Variants in SLC22A23 observed in about 807,000 individuals in gnomAD.
The protein encoded by SLC22A23 is ion transporter protein.
SLC22A23 carries 26 observed loss-of-function variants against 61.0 expected under a neutral mutation model. The ratio of observed to expected loss-of-function variants is 0.43; its 90% CI spans 0.31 to 0.59. SLC22A23 has a LOEUF of 0.59. SLC22A23 is among the 20% of genes least tolerant of loss of function. The probability of loss-of-function intolerance (pLI) is 0.11; values close to 1 mark genes in which losing one functional copy is unlikely to be tolerated. For synonymous variants in SLC22A23, 430 were observed against 413.9 expected, an observed-to-expected ratio of 1.04 and a Z score of -0.47; for missense variants, 796 against 934.7, an observed-to-expected ratio of 0.85 and a Z score of 1.94.
chr6:3,280,347 G>A lies in SLC22A23; in HGVS notation c.1703+3505C>T, dbSNP rs180702232. The stretch of plus-strand genomic sequence containing the variant: ...TCCGTCTGGTTCCTTCCCAGGCTCC[G>A]GGCCATATCATCAGCACCCTCCCCT... On this transcript the variant is annotated intron_variant, in intron 9 of 9. Coordinates refer to ENST00000406686, the MANE Select transcript of SLC22A23 (RefSeq NM_015482.2). Among the ~76,000 whole-genome samples, 530 of 152,204 alleles carry A rather than the reference G, an allele frequency of 3.5e-3. 4 individuals are homozygous for A. Among genetic ancestry groups the A allele is most frequent in the African/African-American group, 0.012 (488 of 41,528 alleles).
rs1190398508 is a variant in SLC22A23 at position 3,289,799 on chromosome 6, G to A, written c.1278C>T (p.Asn426=). 1.2e-6 allele frequency: 2 copies of A among 1,614,008 alleles called. No individual in the cohort carries two copies. The highest frequency in any genetic ancestry group is 1.3e-5 in the African/African-American group (1 of 75,016). ...ACAGGACCACAATGTTCTTCCACAG[G>A]TTCCGTGTCCCCACCACCTTCACGA... The part of the protein sequence containing the change: ...VCIVKVVGTR[N]LWKNIVVLCV... The change falls in exon 6 of 10, where the codon AAC becomes AAT. Residue 426 remains asparagine (N), a synonymous_variant. Coordinates refer to ENST00000406686, the MANE Select transcript of SLC22A23 (RefSeq NM_015482.2).
Position 3,410,095 on chromosome 6 carries a change from C to T in SLC22A23, c.913+93G>A, listed in dbSNP as rs1045271973. 4.5e-5 allele frequency: 64 copies of T among 1,422,102 alleles called. No homozygotes were observed. Among genetic ancestry groups the T allele is most frequent in the African/African-American group, 2.9e-4 (20 of 68,956 alleles). The allele number at this position is 1,422,102 out of a possible 1,614,324, so 88.1% of individuals were successfully genotyped here. ...GTTTCCACAAAACTGCCAGCCCACA[C>T]GAGCAGCATGCACAGTATCTTTCCC... On this transcript the variant is annotated intron_variant, in intron 3 of 9. Transcript: ENST00000406686. This position sits in a 1 kb window ranked among gnomAD's most constrained non-coding sequence, Gnocchi z 5.0.
chr6:3,406,601 A>G (rs1033416977), intron 3 of SLC22A23, among the ~76,000 whole-genome samples: 1 of 151,748 alleles, frequency 6.6e-6, no homozygotes, highest in African/African-American at 2.4e-5. Context: ...ATCCAGTCCA[A>G]GTGTATTTAG....
At chr6:3,292,432 G>A (rs1760686499) in intron 5 of SLC22A23, among the ~76,000 whole-genome samples, 1 of 151,172 alleles carries the variant, frequency 6.6e-6, no homozygotes, top group South Asian at 2.1e-4. Flanking sequence ...GCCCGGCCAG[G>A]TTGTGGGACA....
intron 4 of SLC22A23, chr6:3,323,367 A>AC (rs1763076691): frequency 8.8e-6 from 4 of 456,992 alleles, no homozygotes; most frequent in Non-Finnish European, 1.8e-5. Context: ...CTTTATTTAC[A>AC]AAAACAGACA....
At chr6:3,350,221 C>T (rs998131569) in intron 3 of SLC22A23, among the ~76,000 whole-genome samples, 1 of 152,118 alleles carries the variant, frequency 6.6e-6, no homozygotes, top group East Asian at 1.9e-4. Context: ...GATTCTATAA[C>T]CCTTAACCCA....
At chr6:3,428,633 T>C (rs1248593946) in intron 1 of SLC22A23, among the ~76,000 whole-genome samples, 1 of 152,172 alleles carries the variant, frequency 6.6e-6, no homozygotes, top group Non-Finnish European at 1.5e-5. Flanking sequence ...AATTCTTCCT[T>C]CTGTCTCACT....
chr6:3,358,062 T>C (rs1265850647), intron 3 of SLC22A23, among the ~76,000 whole-genome samples: 1 of 152,084 alleles, frequency 6.6e-6, no homozygotes, highest in Non-Finnish European at 1.5e-5. Flanking sequence ...ACAGGTTAGG[T>C]TCTCAGTATC....
At chr6:3,347,204 A>T (rs552576681) in intron 3 of SLC22A23, among the ~76,000 whole-genome samples, 10 of 152,346 alleles carry the variant, frequency 6.6e-5, no homozygotes, top group Non-Finnish European at 1.3e-4. Context: ...AACCCCTCGC[A>T]TCACTGCGGG....
intron 3 of SLC22A23, among the ~76,000 whole-genome samples, chr6:3,395,920 A>G (rs1241395909): frequency 6.6e-6 from 1 of 152,216 alleles, no homozygotes; most frequent in Admixed American, 6.5e-5. Context: ...ACTGTTGTTA[A>G]TATTTTGGTT....
intron 1 of SLC22A23, among the ~76,000 whole-genome samples, chr6:3,441,032 G>T (rs1238438249): frequency 6.6e-6 from 1 of 152,232 alleles, no homozygotes; most frequent in Non-Finnish European, 1.5e-5. Flanking sequence ...TGCTGGGCTG[G>T]GGCCTGTAGG....
Position 3,322,438 on chromosome 6 carries a change from C to T in SLC22A23, c.1082+1396G>A, listed in dbSNP as rs1561896931. Among the ~76,000 whole-genome samples, 2 of 152,044 alleles carry T rather than the reference C, an allele frequency of 1.3e-5. No individual in the cohort carries two copies. Among genetic ancestry groups the T allele is most frequent in the Non-Finnish European group, 2.9e-5 (2 of 67,940 alleles). On this transcript the variant is annotated intron_variant, in intron 4 of 9. Coordinates refer to ENST00000406686, the MANE Select transcript of SLC22A23 (RefSeq NM_015482.2). The surrounding 1 kb of genome is among the most constrained non-coding windows in gnomAD (Gnocchi z 4.1). The stretch of plus-strand genomic sequence containing the variant: ...TTGCTCATTCTCCGCTCCTTAAGGC[C>T]CTGTTGGGGCACAAGGGCTGTCCTG...
chr6:3,295,606 G>A (rs2127349210), intron 5 of SLC22A23, among the ~76,000 whole-genome samples: 1 of 152,326 alleles, frequency 6.6e-6, no homozygotes, highest in East Asian at 1.9e-4. Flanking sequence ...ACGAGGCTCG[G>A]AGCAGGTGTT....
At chr6:3,417,600 A>G (rs554025529) in intron 1 of SLC22A23, among the ~76,000 whole-genome samples, 1 of 152,324 alleles carries the variant, frequency 6.6e-6, no homozygotes, top group South Asian at 2.1e-4. Context: ...TAGTTAGAAA[A>G]GGCAAGTTCT....
chr6:3,291,999 A>C (rs929345385), intron 5 of SLC22A23: 1 of 151,658 alleles, frequency 6.6e-6, no homozygotes, highest in African/African-American at 2.4e-5. Flanking sequence ...AATTGACTGT[A>C]GTCTGCAGAG....
Position 3,414,721 on chromosome 6 carries a change from C to CAA in SLC22A23, c.758+1029_758+1030dup, listed in dbSNP as rs60880355. 0.061 allele frequency among the ~76,000 whole-genome samples: 5,376 copies of CAA among 87,444 alleles called. 179 individuals carry two copies. Among genetic ancestry groups the CAA allele is most frequent in the East Asian group, 0.15 (436 of 2,958 alleles). The allele number at this position is 87,444 out of a possible 152,430, so 57.4% of individuals were successfully genotyped here. ...TCAAGGCCAAGATGTCTCGATTCAC[C>CAA]AAAAAAAAAAAAAAAAAAAAAAATC... On this transcript the variant is annotated intron_variant, in intron 2 of 9. Transcript: ENST00000406686. The surrounding 1 kb of genome is among the most constrained non-coding windows in gnomAD (Gnocchi z 5.1).
Position 3,272,109 on chromosome 6 carries a change from A to T in SLC22A23, c.*946T>A, listed in dbSNP as rs1758512118. On this transcript the variant is annotated 3_prime_UTR_variant, in exon 10 of 10. Transcript: ENST00000406686. ...GTGGGTGACGGGCGTGTGTGTGTGG[A>T]GGGCAGCCCCCCTTCTGTGGATTTG... 6.9e-6 allele frequency: 1 copy of T among 145,570 alleles called. No homozygotes were observed. Among genetic ancestry groups the T allele is most frequent in the Non-Finnish European group, 1.5e-5 (1 of 68,090 alleles). 9.0% of individuals were successfully genotyped at this position (145,570 alleles called of 1,614,324 possible). A position where few individuals can be genotyped will look rare whatever the true frequency, so the allele number is the denominator to read the frequency against.
intron 3 of SLC22A23, among the ~76,000 whole-genome samples, chr6:3,345,451 C>T (rs113910343): frequency 5.3e-5 from 8 of 151,128 alleles, no homozygotes; most frequent in African/African-American, 9.8e-5. Flanking sequence ...CTGCAGCCTC[C>T]GCCTCCTGGG....
chr6:3,366,332 CAAAAAA>C lies in SLC22A23; in HGVS notation c.914-42336_914-42331del, dbSNP rs11387672. 3.5e-3 allele frequency among the ~76,000 whole-genome samples: 262 copies of C among 74,148 alleles called. 2 individuals carry two copies. Among genetic ancestry groups the C allele is most frequent in the African/African-American group, 0.014 (220 of 15,894 alleles). 48.6% of individuals were successfully genotyped at this position (74,148 alleles called of 152,430 possible). On this transcript the variant is annotated intron_variant, in intron 3 of 9. Coordinates refer to ENST00000406686, the MANE Select transcript of SLC22A23 (RefSeq NM_015482.2). ...TGGGTGACAGAGCAAGACTCTGTCTCAAAAAAAAAAAAAAAAAAAAAAAAAGAAAGA... is the reference window on the plus strand; with the variant it reads ...TGGGTGACAGAGCAAGACTCTGTCTCAAAAAAAAAAAAAAAAAAAGAAAGA...
Sources: gnomAD v4.1 joint callset for allele counts (sites outside exome capture counted in the v4.1 genomes callset) on GRCh38, gnomAD v4.1.1 for gene constraint, Gnocchi (gnomAD v3.1) non-coding constraint, MANE v1.5 for transcripts, NCBI Gene and HGNC (gene_info 2026-07-23, HGNC 2026-07-21) for gene names.